PGLYRP3: variants seen among roughly 807,000 people sequenced by gnomAD.
The protein encoded by PGLYRP3 is peptidoglycan recognition protein I alpha.
A neutral mutation model predicts 36.0 loss-of-function variants in PGLYRP3; 39 were observed. That is an observed-to-expected ratio of 1.08 (90% CI 0.84 to 1.41). The LOEUF (loss-of-function observed/expected upper bound fraction) is 1.41, where lower values mean the gene tolerates loss of function less well. PGLYRP3 is among the 40% of genes most tolerant of loss of function. The pLI is 0.00. For synonymous variants in PGLYRP3, 204 were observed against 172.8 expected (o/e 1.18, Z -1.42); for missense variants, 407 against 427.9 (o/e 0.95, Z 0.43).
intron 4 of PGLYRP3, among the ~76,000 whole-genome samples, chr1:153,304,400 TAACTCTC>T (rs1258118714): frequency 6.6e-6 from 1 of 152,208 alleles, no homozygotes; most frequent in Non-Finnish European, 1.5e-5. Context: ...TGTTAACTCA[TAACTCTC>T]ACAGAAAACC....
At position 153,297,451 on chromosome 1, in the gene PGLYRP3, G is replaced by GA. The variant is rs1659453931; in HGVS notation, c.*504_*505insT. ...TCACCAGGCAGAGGCGGGGAGAGGG[G>GA]GAGAGAGAGAGAGAGAGAGAGAGAG... On this transcript the variant is annotated 3_prime_UTR_variant, in exon 8 of 8. Transcript: ENST00000683862. Among the ~76,000 whole-genome samples, 2 of 37,384 alleles carry GA rather than the reference G, an allele frequency of 5.3e-5. No homozygotes were observed. The highest frequency in any genetic ancestry group is 2.3e-4 in the Admixed American group (1 of 4,298). 24.5% of individuals were successfully genotyped at this position (37,384 alleles called of 152,430 possible). A position where few individuals can be genotyped will look rare whatever the true frequency, so the allele number is the denominator to read the frequency against.
At position 153,307,160 on chromosome 1, in the gene PGLYRP3, T is replaced by C. The variant is rs900204416; in HGVS notation, c.163A>G (p.Met55Val). The C allele has an allele frequency of 2.1e-5, 34 of 1,612,086 alleles. No individual in the cohort carries two copies. The highest frequency in any genetic ancestry group is 2.7e-5 in the Non-Finnish European group (32 of 1,179,226). The part of the protein sequence containing the change: ...AYIITDQLPG[M>V]QCQQQSVCSQ... ...CAAACGCTCTGCTGCTGGCACTGCA[T>C]CCCTGGGAGCTGGTCTGTGATGATG... The change falls in exon 3 of 8, where the codon ATG becomes GTG. Residue 55 changes from methionine to valine, a missense_variant. By Grantham distance (21) the Met-to-Val change is conservative. Coordinates refer to ENST00000683862, the MANE Select transcript of PGLYRP3 (RefSeq NM_052891.3).
chr1:153,301,678 AT>A (rs1659601471), intron 6 of PGLYRP3, among the ~76,000 whole-genome samples: 1 of 152,248 alleles, frequency 6.6e-6, no homozygotes, highest in Non-Finnish European at 1.5e-5. Flanking sequence ...AGAACAACAC[AT>A]GTGCAAAAGC....
chr1:153,298,852 A>T (rs1659513197), intron 7 of PGLYRP3, among the ~76,000 whole-genome samples: 1 of 152,142 alleles, frequency 6.6e-6, no homozygotes, highest in African/African-American at 2.4e-5. Flanking sequence ...AAGTTTGCAA[A>T]AGACGTTTCC....
intron 2 of PGLYRP3, among the ~76,000 whole-genome samples, chr1:153,309,002 ATG>A (rs1659830520): frequency 1.8e-5 from 1 of 56,322 alleles, no homozygotes; most frequent in Admixed American, 1.5e-4. Flanking sequence ...GCTAACACAC[ATG>A]TCTTAATCAC....
rs762464930 is a variant in PGLYRP3 at position 153,307,128 on chromosome 1, C to T, written c.195G>A (p.Gln65=). 6.2e-7 allele frequency: 1 copy of T among 1,613,458 alleles called. No individual in the cohort carries two copies. The highest frequency in any genetic ancestry group is 1.1e-5 in the South Asian group (1 of 90,874). The part of the protein sequence containing the change: ...MQCQQQSVCS[Q]MLRGLQSHSV... ...AATGGGACTGCAACCCCCGCAGCATCTGGCTGCAAACGCTCTGCTGCTGGC... is the reference window on the plus strand; with the variant it reads ...AATGGGACTGCAACCCCCGCAGCATTTGGCTGCAAACGCTCTGCTGCTGGC... Residue 65 remains glutamine (Q), a synonymous_variant, in exon 3 of 8, where the codon CAG becomes CAA. Transcript: ENST00000683862.
chr1:153,309,548 T>C (rs1429220489), intron 2 of PGLYRP3, among the ~76,000 whole-genome samples: 1 of 152,214 alleles, frequency 6.6e-6, no homozygotes, highest in Non-Finnish European at 1.5e-5. Flanking sequence ...ACCATGATTC[T>C]GAGGTTCTGT....
rs1241418138 is a variant in PGLYRP3, at chr1:153,307,062, T to C, written c.257+4A>G. On this transcript the variant is annotated splice_donor_region_variant and intron_variant, in intron 3 of 7. Transcript: ENST00000683862. ...GGGCCTCAGGGACTTGGCTAGCCTC[T>C]TACTTGTACGCCACGTCGCACCAGC... is the stretch of plus-strand genomic sequence containing the variant. 1 of 1,613,274 alleles carries C rather than the reference T, an allele frequency of 6.2e-7. No homozygotes were observed. The highest frequency in any genetic ancestry group is 1.3e-5 in the African/African-American group (1 of 74,858).
intron 2 of PGLYRP3, among the ~76,000 whole-genome samples, chr1:153,309,058 T>C (rs1164048540): frequency 6.6e-6 from 1 of 152,162 alleles, no homozygotes; most frequent in Non-Finnish European, 1.5e-5. Context: ...ATATACAGAT[T>C]ATTGTGACCG....
intron 1 of PGLYRP3, among the ~76,000 whole-genome samples, chr1:153,311,341 A>G (rs145833431): frequency 1.0e-3 from 157 of 152,354 alleles, no homozygotes; most frequent in African/African-American, 3.6e-3. Flanking sequence ...TTCACTAAGT[A>G]GTCTCACAAT....
intron 1 of PGLYRP3, among the ~76,000 whole-genome samples, chr1:153,311,646 G>A (rs1404504813): frequency 6.6e-6 from 1 of 152,170 alleles, no homozygotes; most frequent in African/African-American, 2.4e-5. Flanking sequence ...TGAAACTTTA[G>A]CTGTATGAGC....
chr1:153,312,775 G>A lies in PGLYRP3; in HGVS notation c.-174C>T, dbSNP rs1183324937. 1.3e-5 allele frequency among the ~76,000 whole-genome samples: 2 copies of A among 152,096 alleles called. No individual in the cohort carries two copies. The highest frequency in any genetic ancestry group is 2.9e-5 in the Non-Finnish European group (2 of 68,020). On this transcript the variant is annotated 5_prime_UTR_variant, in exon 1 of 8. Transcript: ENST00000683862. ...TCTTCTCCAGCTGGTGCCTCCTCAG[G>A]CCTTCACTCCCCCTGGCCCTAGAGG...
At chr1:153,305,991 G>C (rs1271636855) in intron 3 of PGLYRP3, among the ~76,000 whole-genome samples, 1 of 152,234 alleles carries the variant, frequency 6.6e-6, no homozygotes, top group Non-Finnish European at 1.5e-5. Flanking sequence ...GAGATGCAGA[G>C]GCTGAAATAA....
intron 1 of PGLYRP3, among the ~76,000 whole-genome samples, chr1:153,311,354 C>T (rs1238085567): frequency 6.6e-6 from 1 of 152,144 alleles, no homozygotes; most frequent in Non-Finnish European, 1.5e-5. Flanking sequence ...CTCACAATGA[C>T]CTATGAGACC....
intron 5 of PGLYRP3, among the ~76,000 whole-genome samples, chr1:153,303,546 G>C (rs1449395695): frequency 6.6e-6 from 1 of 152,168 alleles, no homozygotes; most frequent in East Asian, 1.9e-4. Flanking sequence ...AGTTTCATCT[G>C]TTTTGTTCAC....
At chr1:153,306,525 C>T (rs2101521570) in intron 3 of PGLYRP3, among the ~76,000 whole-genome samples, 1 of 152,330 alleles carries the variant, frequency 6.6e-6, no homozygotes, top group African/African-American at 2.4e-5. Context: ...AGTGGTCTTT[C>T]AGGGTAACAA....
At chr1:153,311,162 A>G (rs138064470) in intron 1 of PGLYRP3, among the ~76,000 whole-genome samples, 150 of 152,200 alleles carry the variant, frequency 9.9e-4, no homozygotes, top group African/African-American at 3.3e-3. Flanking sequence ...CGCCCCCTGC[A>G]CCATTTGAGA....
In PGLYRP3 at chr1:153,302,463, C is replaced by T. The variant is rs1659619881; in HGVS notation, c.674G>A (p.Arg225Gln). Reference sequence around the variant, plus strand: ...GTCCATGTGAAAGGACTGTATGTTTCGGACGACAGTCTGGCAGTCTGTGGA... The same window carrying T: ...GTCCATGTGAAAGGACTGTATGTTTTGGACGACAGTCTGGCAGTCTGTGGA... The part of the protein sequence containing the change: ...TVSTDCQTVV[R>Q]NIQSFHMDTR... The change falls in exon 6 of 8, where the codon CGA becomes CAA. Residue 225 changes from arginine (R) to glutamine (Q), a missense_variant. Arg to Gln is a conservative substitution (Grantham distance 43, BLOSUM62 1). Transcript: ENST00000683862. 1.9e-6 allele frequency: 3 copies of T among 1,614,146 alleles called. No individual in the cohort carries two copies. Among genetic ancestry groups the T allele is most frequent in the South Asian group, 1.1e-5 (1 of 91,082 alleles).
chr1:153,298,268 T>C, intron 7 of PGLYRP3, 134 bp from the exon 8 acceptor site: 1 of 984,850 alleles, frequency 1.0e-6, no homozygotes, highest in Non-Finnish European at 1.5e-6. Context: ...CCAACACATT[T>C]ACGTAAATTG....
Sources: allele counts gnomAD v4.1 joint callset (sites outside exome capture counted in the v4.1 genomes callset), GRCh38; gene constraint gnomAD v4.1.1; transcripts MANE v1.5; gene names NCBI Gene and HGNC (gene_info 2026-07-23, HGNC 2026-07-21).